The following ITGB2 variants were observed in gnomAD, a reference collection of about 807,000 sequenced individuals.
The protein encoded by ITGB2 is integrin beta-2.
In ITGB2, 56 loss-of-function variants were observed where a neutral mutation model predicts 86.8. The observed-to-expected ratio is 0.65, with a 90% CI of 0.52 to 0.81. ITGB2 has a LOEUF of 0.81. ITGB2 is among the 30% of genes least tolerant of loss of function. ITGB2 has a pLI of 0.00. For missense variants in ITGB2, 948 were observed against 1,061.2 expected (o/e 0.89, Z 1.48); for synonymous variants, 457 against 450.4 (o/e 1.01, Z -0.19).
intron 11 of ITGB2, among the ~76,000 whole-genome samples, chr21:44,891,066 C>T (rs1381382260): frequency 3.9e-5 from 6 of 152,150 alleles, no homozygotes; most frequent in Admixed American, 1.3e-4. Context: ...ATTGGCACTG[C>T]GGTCAGGACA....
At chr21:44,922,004 G>A (rs896610449), upstream of ITGB2, among the ~76,000 whole-genome samples, 4 of 152,212 alleles carry the variant, frequency 2.6e-5, no homozygotes, top group African/African-American at 7.2e-5. Context: ...GATTACTGGC[G>A]TGAGCCATGG....
rs149277897 is a variant in ITGB2, at chr21:44,926,292, T to C, written c.-4+2362A>G. On this transcript the variant is annotated intron_variant, in intron 1 of 15. Coordinates refer to the ITGB2 transcript ENST00000355153. ...CTTACTATCCCCCATCTGATGTGCCTGTTGCACAAGGCTGGAAGTCAGAGG... is the reference window on the plus strand; with the variant it reads ...CTTACTATCCCCCATCTGATGTGCCCGTTGCACAAGGCTGGAAGTCAGAGG... Among the ~76,000 whole-genome samples the C allele has an allele frequency of 2.6e-3, 398 of 152,314 alleles. 5 individuals are homozygous for C. Among genetic ancestry groups the C allele is most frequent in the African/African-American group, 9.2e-3 (384 of 41,556 alleles).
intron 11 of ITGB2, 57 bp downstream of exon 11, chr21:44,891,752 C>A: frequency 6.3e-7 from 1 of 1,582,322 alleles, no homozygotes; most frequent in Non-Finnish European, 8.6e-7. Flanking sequence ...CCTGCCGACA[C>A]CTGCCCTGTG....
At chr21:44,903,644 C>G (rs2083999977) in intron 4 of ITGB2, 109 bp from the exon 5 acceptor site, 2 of 1,306,104 alleles carry the variant, frequency 1.5e-6, no homozygotes. Flanking sequence ...CCTCCAGCCC[C>G]CAAATCCTCC....
At chr21:44,909,474 G>C (rs2084096238) in intron 3 of ITGB2, 1 of 152,420 alleles carries the variant, frequency 6.6e-6, no homozygotes, top group Non-Finnish European at 1.5e-5. Flanking sequence ...CAAGGAGACG[G>C]CTGAGCGTAG....
At chr21:44,913,435 C>T (rs889484055) in intron 1 of ITGB2, among the ~76,000 whole-genome samples, 5 of 152,162 alleles carry the variant, frequency 3.3e-5, no homozygotes, top group African/African-American at 9.7e-5. Flanking sequence ...AGGGGGTGCA[C>T]CTTGATTCCA....
chr21:44,887,709 T>C (rs2083719561), intron 14 of ITGB2, among the ~76,000 whole-genome samples: 1 of 152,166 alleles, frequency 6.6e-6, no homozygotes, highest in South Asian at 2.1e-4. Context: ...TGAAGTGACT[T>C]GGCCAGGATT....
intron 8 of ITGB2, among the ~76,000 whole-genome samples, chr21:44,896,823 G>T (rs1283414804): frequency 6.6e-6 from 1 of 152,242 alleles, no homozygotes. Context: ...GTGCCCCAAG[G>T]CTCAGCAGTA....
At chr21:44,921,933 A>G (rs750733482), upstream of ITGB2, among the ~76,000 whole-genome samples, 2 of 152,200 alleles carry the variant, frequency 1.3e-5, no homozygotes, top group African/African-American at 2.4e-5. Flanking sequence ...TATGTTGACC[A>G]GGCTGGTCTT....
upstream of ITGB2, among the ~76,000 whole-genome samples, chr21:44,921,523 G>A (rs116585722): frequency 3.3e-5 from 5 of 151,886 alleles, no homozygotes; most frequent in African/African-American, 9.7e-5. Context: ...CTGTTAACTA[G>A]GGACATTAGG....
intron 4 of ITGB2, among the ~76,000 whole-genome samples, chr21:44,906,138 TTCCCCTTCCCTCCCTTCCCTCCCTTCCC>T (rs1330160425): frequency 1.4e-5 from 2 of 145,620 alleles, no homozygotes; most frequent in African/African-American, 5.2e-5. Context: ...CTTCCCTCCC[TTCCCCTTCCCTCCCTTCCCTCCCTTCCC>T]TCCCTCCCTT....
At chr21:44,890,399 G>A (rs1481303141) in intron 11 of ITGB2, among the ~76,000 whole-genome samples, 177 bp from the exon 12 acceptor site, 1 of 152,242 alleles carries the variant, frequency 6.6e-6, no homozygotes, top group Non-Finnish European at 1.5e-5. Context: ...ACGTGCAGGG[G>A]CCCCGCGTTC....
intron 1 of ITGB2, among the ~76,000 whole-genome samples, chr21:44,912,802 C>G (rs1208520921): frequency 9.1e-6 from 1 of 109,646 alleles, no homozygotes; most frequent in Admixed American, 8.3e-5. Context: ...CAGGGTCCAG[C>G]CAGCTTCAGG....
At chr21:44,919,154 C>T (rs1224942568) in intron 1 of ITGB2, among the ~76,000 whole-genome samples, 2 of 152,310 alleles carry the variant, frequency 1.3e-5, no homozygotes, top group Admixed American at 6.5e-5. Flanking sequence ...ACAGCCCCCC[C>T]GGGGTCAGGT....
In ITGB2 at chr21:44,901,527, C is replaced by T. The variant is rs483352814; in HGVS notation, c.706G>A (p.Gly236Arg). Residue 236 changes from glycine to arginine, a missense_variant, in exon 6 of 16, where the codon GGG (glycine) becomes AGG (arginine). Coordinates refer to ENST00000652462, the MANE Select transcript of ITGB2 (RefSeq NM_000211.5). ...ISGNLDAPEG[G>R]LDAMMQVAAC... is the part of the protein sequence containing the mutation. ...GCGACCTGCATCATGGCGTCCAGCC[C>T]ACCCTCGGGTGCATCCAGGTTTCCG... 1 of 1,614,240 alleles carries T rather than the reference C, an allele frequency of 6.2e-7. No individual in the cohort carries two copies. The highest frequency in any genetic ancestry group is 8.5e-7 in the Non-Finnish European group (1 of 1,180,044).
chr21:44,901,918 T>A, intron 5 of ITGB2, 185 bp from the exon 6 acceptor site: 1 of 650,280 alleles, frequency 1.5e-6, no homozygotes, highest in Non-Finnish European at 2.6e-6. Context: ...TGAACGTATG[T>A]GGGCGTGTGT....
intron 5 of ITGB2, among the ~76,000 whole-genome samples, chr21:44,902,835 T>C (rs2083985193): frequency 6.6e-6 from 1 of 152,204 alleles, no homozygotes; most frequent in African/African-American, 2.4e-5. Context: ...ATCGTGCATG[T>C]GTGCATCCCC....
At chr21:44,901,247 A>G (rs1428480405) in intron 6 of ITGB2, among the ~76,000 whole-genome samples, 1 of 152,248 alleles carries the variant, frequency 6.6e-6, no homozygotes, top group African/African-American at 2.4e-5. Context: ...GCCCAGGGTC[A>G]CAAATTTAAC....
chr21:44,921,703 A>T (rs1017983099), upstream of ITGB2, among the ~76,000 whole-genome samples: 1 of 152,052 alleles, frequency 6.6e-6, no homozygotes, highest in African/African-American at 2.4e-5. Flanking sequence ...ACTCTGTTTT[A>T]TTTATTTATT....
Sources: gnomAD v4.1 joint callset for allele counts (sites outside exome capture counted in the v4.1 genomes callset) on GRCh38, gnomAD v4.1.1 for gene constraint, MANE v1.5 for transcripts, NCBI Gene and HGNC (gene_info 2026-07-23, HGNC 2026-07-21) for gene names.